Variants in FHOD3 observed in about 807,000 individuals in gnomAD.
FHOD3 encodes the protein FH1/FH2 domain-containing protein 3.
In FHOD3, 90 loss-of-function variants were observed where a neutral mutation model predicts 173.0. The observed-to-expected ratio is 0.52, with a 90% CI of 0.44 to 0.62. The LOEUF (loss-of-function observed/expected upper bound fraction) is 0.62, where lower values mean the gene tolerates loss of function less well. Ranked by LOEUF, FHOD3 falls within the 20% of genes least tolerant of loss-of-function variation. FHOD3 has a pLI of 0.00. For missense variants in FHOD3, 1,945 were observed against 2,034.7 expected (o/e 0.96, Z 0.85); for synonymous variants, 828 against 823.0 (o/e 1.01, Z -0.10).
rs148873568 is a variant in FHOD3 at position 36,607,102 on chromosome 18, C to T, written c.813+4334C>T. ...GGGGTCTTGGGGGCTGCCTCACTCC[C>T]GTGGCTCCACTAGGCATTGCCCTAG... On this transcript the variant is annotated intron_variant, in intron 8 of 28. Transcript: ENST00000590592. Among the ~76,000 whole-genome samples the T allele has an allele frequency of 2.6e-3, 401 of 152,308 alleles. 2 individuals are homozygous for T. Among genetic ancestry groups the T allele is most frequent in the Non-Finnish European group, 4.3e-3 (294 of 68,026 alleles).
At chr18:36,380,568 T>TTTCCTTTCC (rs1555686552) in intron 3 of FHOD3, among the ~76,000 whole-genome samples, 990 of 82,222 alleles carry the variant, frequency 0.012, 19 homozygotes, top group South Asian at 0.025. Flanking sequence ...TTTTCTTTTC[T>TTTCCTTTCC]TTTCTTTTCT....
At chr18:36,602,600 A>G in intron 7 of FHOD3, 74 bp from the exon 8 acceptor site, 2 of 1,117,268 alleles carry the variant, frequency 1.8e-6, no homozygotes, top group Non-Finnish European at 2.8e-6. Context: ...GTCCTTGGAT[A>G]ATAAACTGTG....
At chr18:36,531,309 A>G (rs547048805) in intron 5 of FHOD3, among the ~76,000 whole-genome samples, 3 of 152,202 alleles carry the variant, frequency 2.0e-5, no homozygotes, top group Admixed American at 6.5e-5. Flanking sequence ...AGTGCCTGCA[A>G]CCCACCCCTG....
At chr18:36,742,422 A>T (rs1236517173) in intron 21 of FHOD3, among the ~76,000 whole-genome samples, 2 of 152,182 alleles carry the variant, frequency 1.3e-5, no homozygotes, top group Non-Finnish European at 2.9e-5. Flanking sequence ...CCGAAGGAAG[A>T]TGAGAAGGAA....
chr18:36,400,537 C>G (rs962039970), intron 3 of FHOD3, among the ~76,000 whole-genome samples: 1 of 152,220 alleles, frequency 6.6e-6, no homozygotes, highest in Non-Finnish European at 1.5e-5. Flanking sequence ...TGAATTTTCC[C>G]TAGATCTCTG....
chr18:36,368,598 A>G (rs561075900), intron 2 of FHOD3, among the ~76,000 whole-genome samples: 48 of 152,168 alleles, frequency 3.2e-4, no homozygotes, highest in Non-Finnish European at 2.2e-4. Context: ...TAGAATGTCA[A>G]TAATGTTATC....
chr18:36,503,485 G>A (rs2055142713), intron 4 of FHOD3, among the ~76,000 whole-genome samples: 1 of 152,188 alleles, frequency 6.6e-6, no homozygotes. Context: ...TTACTTCACT[G>A]TGTTCAATCA....
At chr18:36,419,064 G>GGT (rs1568246058) in intron 3 of FHOD3, among the ~76,000 whole-genome samples, 248 of 152,114 alleles carry the variant, frequency 1.6e-3, no homozygotes, top group African/African-American at 5.5e-3. Flanking sequence ...GAACTTACAA[G>GGT]GTTAAAATCA....
intron 2 of FHOD3, among the ~76,000 whole-genome samples, chr18:36,359,356 G>A (rs1448406626): frequency 2.0e-5 from 3 of 152,214 alleles, no homozygotes; most frequent in African/African-American, 7.2e-5. Context: ...TCAGAGAAGA[G>A]GAGAAAGACC....
At chr18:36,694,998 C>CGT (rs1491194269) in intron 17 of FHOD3, among the ~76,000 whole-genome samples, 1 of 97,242 alleles carries the variant, frequency 1.0e-5, no homozygotes, top group Non-Finnish European at 2.2e-5. Context: ...TGTGTGTGTG[C>CGT]GTGTGTGTGT....
chr18:36,615,890 T>C (rs1200096316), intron 9 of FHOD3, among the ~76,000 whole-genome samples: 1 of 152,234 alleles, frequency 6.6e-6, no homozygotes, highest in Non-Finnish European at 1.5e-5. Flanking sequence ...TATCTTTATA[T>C]GATCTTGGGA....
intron 1 of FHOD3, among the ~76,000 whole-genome samples, chr18:36,303,792 C>T (rs2092017652): frequency 6.6e-6 from 1 of 152,106 alleles, no homozygotes; most frequent in African/African-American, 2.4e-5. Flanking sequence ...TAGCTGGGTC[C>T]TCCTCTGCTG....
intron 3 of FHOD3, among the ~76,000 whole-genome samples, chr18:36,480,585 G>T (rs1280534435): frequency 1.3e-5 from 2 of 152,166 alleles, no homozygotes; most frequent in Non-Finnish European, 2.9e-5. Context: ...CTTTGTTCTG[G>T]AGGTTTGCAG....
At chr18:36,325,710 C>G (rs1248266580) in intron 1 of FHOD3, among the ~76,000 whole-genome samples, 1 of 152,162 alleles carries the variant, frequency 6.6e-6, no homozygotes, top group African/African-American at 2.4e-5. Flanking sequence ...TTTCTTCCCT[C>G]TCTTTTCTTC....
intron 3 of FHOD3, among the ~76,000 whole-genome samples, chr18:36,378,596 C>CAAAAAA (rs764259858): frequency 1.8e-5 from 2 of 111,390 alleles, no homozygotes; most frequent in African/African-American, 3.5e-5. Context: ...CCCTCTGCCA[C>CAAAAAA]AAAAAAAAAA....
chr18:36,406,878 C>T (rs1380694529), intron 3 of FHOD3, among the ~76,000 whole-genome samples: 1 of 152,162 alleles, frequency 6.6e-6, no homozygotes, highest in Non-Finnish European at 1.5e-5. Context: ...CTTACCACGT[C>T]ACCCATCTGT....
chr18:36,668,898 A>C (rs755821363), intron 14 of FHOD3, among the ~76,000 whole-genome samples: 33 of 152,018 alleles, frequency 2.2e-4, no homozygotes, highest in Non-Finnish European at 3.8e-4. Context: ...TTTACAGCCC[A>C]GAATAGGATC....
At chr18:36,302,821 T>G (rs2091989454) in intron 1 of FHOD3, among the ~76,000 whole-genome samples, 1 of 152,242 alleles carries the variant, frequency 6.6e-6, no homozygotes, top group South Asian at 2.1e-4. Context: ...GTTTTAAGAA[T>G]GTTGTATGAA....
intron 5 of FHOD3, among the ~76,000 whole-genome samples, chr18:36,534,580 C>T (rs547074123): frequency 1.3e-5 from 2 of 152,198 alleles, no homozygotes; most frequent in African/African-American, 4.8e-5. Context: ...GATCTCAGCT[C>T]ACTGCAACTT....
Sources: gnomAD v4.1 joint callset for allele counts (sites outside exome capture counted in the v4.1 genomes callset) on GRCh38, gnomAD v4.1.1 for gene constraint, MANE v1.5 for transcripts, NCBI Gene and HGNC (gene_info 2026-07-23, HGNC 2026-07-21) for gene names.